The following PCED1B variants were observed in gnomAD, a reference collection of about 807,000 sequenced individuals.
PCED1B encodes PC-esterase domain containing 1B.
For synonymous variants in PCED1B, 251 were observed against 246.1 expected, an observed-to-expected ratio of 1.02 and a Z score of -0.19; for missense variants, 573 against 573.9, an observed-to-expected ratio of 1.00 and a Z score of 0.02.
intron 1 of PCED1B, among the ~76,000 whole-genome samples, chr12:47,081,591 G>A (rs1016394491): frequency 2.0e-5 from 3 of 152,180 alleles, no homozygotes; most frequent in African/African-American, 7.2e-5. Context: ...AAAGGGGAGA[G>A]GCAGAAGTTG....
At chr12:47,137,452 T>C (rs975691164) in intron 2 of PCED1B, among the ~76,000 whole-genome samples, 9 of 152,214 alleles carry the variant, frequency 5.9e-5, no homozygotes, top group African/African-American at 2.2e-4. Context: ...GATTCTTGTA[T>C]ACGTTTTTCT....
At chr12:47,124,006 A>G (rs1939784608) in intron 2 of PCED1B, among the ~76,000 whole-genome samples, 1 of 151,890 alleles carries the variant, frequency 6.6e-6, no homozygotes, top group Non-Finnish European at 1.5e-5. Context: ...TTGTACTTAC[A>G]TTTTTAACAA....
At chr12:47,097,776 C>T (rs992463449) in intron 1 of PCED1B, among the ~76,000 whole-genome samples, 1 of 152,166 alleles carries the variant, frequency 6.6e-6, no homozygotes, top group Non-Finnish European at 1.5e-5. Flanking sequence ...CTACAGTTTT[C>T]GGATGAATGA....
At chr12:47,109,305 C>A (rs1014783131) in intron 2 of PCED1B, among the ~76,000 whole-genome samples, 2 of 152,006 alleles carry the variant, frequency 1.3e-5, no homozygotes, top group African/African-American at 4.8e-5. Context: ...GCAAGTTGAG[C>A]TATATCAGTG....
chr12:47,115,104 G>T (rs1172838321), intron 2 of PCED1B, among the ~76,000 whole-genome samples: 1 of 152,114 alleles, frequency 6.6e-6, no homozygotes, highest in Non-Finnish European at 1.5e-5. Flanking sequence ...CTGGACACAG[G>T]TTATCAATAA....
At chr12:47,220,088 A>G (rs11183809) in intron 3 of PCED1B, among the ~76,000 whole-genome samples, 48,018 of 131,774 alleles carry the variant, frequency 0.36, 10,217 homozygotes, top group African/African-American at 0.59. Context: ...AAAAAAAAAA[A>G]AAGAAGAAGA....
At chr12:47,092,552 A>G (rs1049154873) in intron 1 of PCED1B, among the ~76,000 whole-genome samples, 1 of 151,980 alleles carries the variant, frequency 6.6e-6, no homozygotes, top group Non-Finnish European at 1.5e-5. Flanking sequence ...CTCCTTCTAC[A>G]ATGTTAGACT....
intron 2 of PCED1B, among the ~76,000 whole-genome samples, chr12:47,200,457 G>C (rs934331505): frequency 1.3e-5 from 2 of 152,208 alleles, no homozygotes; most frequent in African/African-American, 4.8e-5. Flanking sequence ...TGCTGGTGAG[G>C]ATGTGGAGCA....
At chr12:47,173,151 C>T (rs1431285476) in intron 2 of PCED1B, among the ~76,000 whole-genome samples, 2 of 152,118 alleles carry the variant, frequency 1.3e-5, no homozygotes, top group African/African-American at 2.4e-5. Flanking sequence ...TAAACTATGG[C>T]GGGTAGTAGA....
intron 2 of PCED1B, among the ~76,000 whole-genome samples, chr12:47,192,163 T>C: frequency 6.7e-6 from 1 of 149,524 alleles, no homozygotes; most frequent in Non-Finnish European, 1.5e-5. Context: ...AGGCTACGCT[T>C]TTTTTTTTTG....
At chr12:47,223,559 G>A (rs148281725) in intron 3 of PCED1B, 2 of 152,330 alleles carry the variant, frequency 1.3e-5, no homozygotes, top group Non-Finnish European at 2.9e-5. Context: ...ATGCTAAAAA[G>A]AAGGATCCAG....
intron 2 of PCED1B, among the ~76,000 whole-genome samples, chr12:47,121,195 T>A (rs1939663804): frequency 6.6e-6 from 1 of 152,356 alleles, no homozygotes; most frequent in South Asian, 2.1e-4. Context: ...AAAAATCTTA[T>A]TCTTTAAACA....
intron 1 of PCED1B, among the ~76,000 whole-genome samples, chr12:47,085,319 C>T (rs1471641655): frequency 6.6e-6 from 1 of 152,234 alleles, no homozygotes; most frequent in Non-Finnish European, 1.5e-5. Context: ...TGTTTCTTCA[C>T]CTGCCAGTTA....
At chr12:47,228,537 T>C (rs1246256582) in intron 3 of PCED1B, among the ~76,000 whole-genome samples, 2 of 152,134 alleles carry the variant, frequency 1.3e-5, no homozygotes, top group East Asian at 3.9e-4. Context: ...CTTAGCTCTA[T>C]CACATCAATA....
At chr12:47,147,607 A>G (rs12579796) in intron 2 of PCED1B, among the ~76,000 whole-genome samples, 87,935 of 151,950 alleles carry the variant, frequency 0.58, 26,176 homozygotes, top group South Asian at 0.65. Context: ...TCTATTTACC[A>G]TCCATATTCT....
At chr12:47,115,655 G>A (rs1939387230) in intron 2 of PCED1B, among the ~76,000 whole-genome samples, 1 of 152,066 alleles carries the variant, frequency 6.6e-6, no homozygotes. Flanking sequence ...AAGGTGATAT[G>A]TAGTCTCCTT....
chr12:47,211,464 C>T (rs1027845025), intron 2 of PCED1B, among the ~76,000 whole-genome samples: 2 of 148,886 alleles, frequency 1.3e-5, no homozygotes, highest in African/African-American at 5.0e-5. Flanking sequence ...CCAGCCTGGC[C>T]AACATGGTGA....
chr12:47,129,147 C>A (rs1311703732), intron 2 of PCED1B, among the ~76,000 whole-genome samples: 1 of 152,124 alleles, frequency 6.6e-6, no homozygotes, highest in Non-Finnish European at 1.5e-5. Context: ...CTCTATTTCC[C>A]TGCCATATTC....
intron 2 of PCED1B, among the ~76,000 whole-genome samples, chr12:47,104,428 A>C (rs2137233196): frequency 6.6e-6 from 1 of 152,344 alleles, no homozygotes; most frequent in South Asian, 2.1e-4. Context: ...TAAAAACATG[A>C]ATGAGTGACA....
Sources: gnomAD v4.1 joint callset for allele counts (sites outside exome capture counted in the v4.1 genomes callset) on GRCh38, gnomAD v4.1.1 for gene constraint, MANE v1.5 for transcripts, NCBI Gene and HGNC (gene_info 2026-07-23, HGNC 2026-07-21) for gene names.